PLEKHA6: variants seen among roughly 807,000 people sequenced by gnomAD.
PLEKHA6 encodes the protein pleckstrin homology domain-containing family A member 6.
In PLEKHA6, 60 loss-of-function variants were observed where a neutral mutation model predicts 116.7. The ratio of observed to expected loss-of-function variants is 0.51; its 90% confidence interval spans 0.42 to 0.64. PLEKHA6 has a LOEUF of 0.64. PLEKHA6 is among the 30% of genes least tolerant of loss of function. PLEKHA6 has a pLI of 0.00. For missense variants in PLEKHA6, 1,338 were observed against 1,422.7 expected (o/e 0.94, Z 0.96); for synonymous variants, 489 against 556.1 (o/e 0.88, Z 1.70).
At chr1:204,356,651 CAAT>C (rs1673425649) in intron 1 of PLEKHA6, among the ~76,000 whole-genome samples, 2 of 151,772 alleles carry the variant, frequency 1.3e-5, no homozygotes, top group Middle Eastern at 3.2e-3. Flanking sequence ...GTTTAAGTGA[CAAT>C]AATACACATC....
intron 2 of PLEKHA6, among the ~76,000 whole-genome samples, chr1:204,370,705 G>A (rs992122353): frequency 6.6e-6 from 1 of 152,126 alleles, no homozygotes; most frequent in East Asian, 1.9e-4. Context: ...TCCTCAGTGG[G>A]AGAAACAGGC....
intron 1 of PLEKHA6, among the ~76,000 whole-genome samples, chr1:204,325,339 G>A (rs967850614): frequency 2.6e-4 from 40 of 152,276 alleles, no homozygotes; most frequent in African/African-American, 9.4e-4. Flanking sequence ...GCTGCCAGGG[G>A]GAGAATCCTT....
intron 9 of PLEKHA6, chr1:204,255,714 A>C (rs1454403620): frequency 1.4e-6 from 1 of 701,580 alleles, no homozygotes; most frequent in Non-Finnish European, 2.6e-6. Context: ...GCCAAACAGC[A>C]ACACAAACAA....
chr1:204,285,717 G>C (rs1483590754), intron 1 of PLEKHA6, among the ~76,000 whole-genome samples: 1 of 152,172 alleles, frequency 6.6e-6, no homozygotes, highest in African/African-American at 2.4e-5. Flanking sequence ...CATGCATTAA[G>C]ACTCCTCTGC....
intron 1 of PLEKHA6, among the ~76,000 whole-genome samples, chr1:204,276,202 G>A (rs1424502365): frequency 2.0e-5 from 3 of 152,154 alleles, no homozygotes; most frequent in Non-Finnish European, 4.4e-5. Flanking sequence ...AGCACAGCAG[G>A]CAGTGCCTAC....
intron 1 of PLEKHA6, among the ~76,000 whole-genome samples, chr1:204,308,232 G>C (rs1490647222): frequency 6.6e-6 from 1 of 152,212 alleles, no homozygotes; most frequent in Non-Finnish European, 1.5e-5. Flanking sequence ...GCCCGATTCG[G>C]CATCTTGGAT....
chr1:204,276,790 C>T (rs968351700), intron 1 of PLEKHA6, among the ~76,000 whole-genome samples: 4 of 152,162 alleles, frequency 2.6e-5, no homozygotes, highest in Non-Finnish European at 4.4e-5. Flanking sequence ...ATGACGTCCT[C>T]ATTCTATCCC....
At chr1:204,301,471 T>C in intron 1 of PLEKHA6, 2 of 985,434 alleles carry the variant, frequency 2.0e-6, no homozygotes, top group Non-Finnish European at 2.4e-6. Flanking sequence ...GGTATAGACA[T>C]GCCCACAGAG....
intron 1 of PLEKHA6, chr1:204,280,335 C>G: frequency 1.0e-6 from 1 of 985,422 alleles, no homozygotes; most frequent in Non-Finnish European, 1.2e-6. Flanking sequence ...CGATCTTTTG[C>G]AGGCATGTAT....
At position 204,257,278 on chromosome 1, in the gene PLEKHA6, C is replaced by T. The variant is rs1665434567; in HGVS notation, c.1524+75G>A. The T allele has an allele frequency of 5.7e-6, 8 of 1,395,994 alleles. No homozygotes were observed. The highest frequency in any genetic ancestry group is 2.3e-4 in the Middle Eastern group (1 of 4,260). 86.5% of individuals were successfully genotyped at this position (1,395,994 alleles called of 1,614,324 possible). A position where few individuals can be genotyped will look rare whatever the true frequency, so the allele number is the denominator to read the frequency against. ...TGGCACAGATGCTCCCACATCTCTG[C>T]CTTTTCTCAGTAGATGGTCTTAGGC... is the stretch of plus-strand genomic sequence containing the variant. On this transcript the variant is annotated intron_variant, in intron 9 of 22. Coordinates refer to ENST00000272203, the MANE Select transcript of PLEKHA6 (RefSeq NM_014935.5). This position sits in a 1 kb window ranked among gnomAD's most constrained non-coding sequence, Gnocchi z 6.5.
Position 204,271,933 on chromosome 1 carries a change from T to C in PLEKHA6, c.102+1693A>G, listed in dbSNP as rs192756871. ...TATTATTATACTTAAAGTTTTAGAG[T>C]ACATGTGCACAACGTGCAGGTTTGT... On this transcript the variant is annotated intron_variant, in intron 3 of 22. Coordinates refer to ENST00000272203, the MANE Select transcript of PLEKHA6 (RefSeq NM_014935.5). Among the ~76,000 whole-genome samples, 6 of 152,296 alleles carry C rather than the reference T, an allele frequency of 3.9e-5. No homozygotes were observed. The East Asian group carries it at 1.2e-3, about 29-fold the overall frequency.
intron 1 of PLEKHA6, among the ~76,000 whole-genome samples, chr1:204,321,214 G>A (rs1452475238): frequency 6.6e-6 from 1 of 152,102 alleles, no homozygotes; most frequent in Non-Finnish European, 1.5e-5. Flanking sequence ...CTCTCATTCT[G>A]ACCTCACAGC....
chr1:204,317,113 C>T, intron 1 of PLEKHA6: 1 of 312,126 alleles, frequency 3.2e-6, no homozygotes, highest in Non-Finnish European at 4.7e-6. Flanking sequence ...AACCTGTGCT[C>T]ACCAAATTCA....
intron 21 of PLEKHA6, among the ~76,000 whole-genome samples, chr1:204,226,874 C>A (rs535007577): frequency 2.6e-5 from 4 of 152,310 alleles, no homozygotes; most frequent in Non-Finnish European, 5.9e-5. Context: ...ATTTCAACTA[C>A]TACTACCAGC....
In PLEKHA6 at chr1:204,261,453, G is replaced by A. The variant is rs3795569; in HGVS notation, c.382-5C>T. 0.57 allele frequency: 907,224 copies of A among 1,603,924 alleles called. 260,294 individuals are homozygous for A. Among genetic ancestry groups the A allele is most frequent in the East Asian group, 0.83 (36,904 of 44,716 alleles). The stretch of plus-strand genomic sequence containing the variant: ...GCGGACCCCGGCATGCTCAGCCTGT[G>A]GGGAGAGGCAGCGTGTGGAGCTGGC... On this transcript the variant is annotated splice_region_variant and splice_polypyrimidine_tract_variant and intron_variant, in intron 6 of 22. Coordinates refer to ENST00000272203, the MANE Select transcript of PLEKHA6 (RefSeq NM_014935.5). This position sits in a 1 kb window ranked among gnomAD's most constrained non-coding sequence, Gnocchi z 4.0.
chr1:204,255,165 G>A (rs2102709085), intron 9 of PLEKHA6, among the ~76,000 whole-genome samples: 1 of 152,266 alleles, frequency 6.6e-6, no homozygotes, highest in South Asian at 2.1e-4. Flanking sequence ...CCTAGGGAGG[G>A]TCTGCAGGCC....
chr1:204,321,806 G>A (rs944774296), intron 1 of PLEKHA6, among the ~76,000 whole-genome samples: 2 of 147,698 alleles, frequency 1.4e-5, no homozygotes, highest in Non-Finnish European at 3.0e-5. Context: ...TCTGCTGTGT[G>A]TCTGCCAGAA....
At chr1:204,316,098 G>A (rs1294112576) in intron 1 of PLEKHA6, among the ~76,000 whole-genome samples, 2 of 152,228 alleles carry the variant, frequency 1.3e-5, no homozygotes, top group African/African-American at 2.4e-5. Context: ...AATGCAATGC[G>A]CGAGGTGGCT....
At chr1:204,301,631 G>A (rs1318279759) in intron 1 of PLEKHA6, 6 of 205,242 alleles carry the variant, frequency 2.9e-5, no homozygotes, top group African/African-American at 1.2e-4. Flanking sequence ...AGAGAGAAGG[G>A]GGGCTTGAGT....
Sources: gnomAD v4.1 joint callset for allele counts (sites outside exome capture counted in the v4.1 genomes callset) on GRCh38, gnomAD v4.1.1 for gene constraint, Gnocchi (gnomAD v3.1) non-coding constraint, MANE v1.5 for transcripts, NCBI Gene and HGNC (gene_info 2026-07-23, HGNC 2026-07-21) for gene names.